The following AP3B1 variants were observed in gnomAD, a reference collection of about 807,000 sequenced individuals.
The protein encoded by AP3B1 is AP-3 complex subunit beta-1.
A neutral mutation model predicts 132.5 loss-of-function variants in AP3B1; 61 were observed. The observed-to-expected ratio is 0.46, with a 90% confidence interval of 0.37 to 0.57. The LOEUF is 0.57. Ranked by LOEUF, AP3B1 falls within the 20% of genes least tolerant of loss-of-function variation. The pLI is 0.00. For synonymous variants in AP3B1, 388 were observed against 438.3 expected (o/e 0.89, Z 1.43); for missense variants, 1,120 against 1,289.4 (o/e 0.87, Z 2.01).
At chr5:78,250,527 T>C (rs1160172222) in intron 2 of AP3B1, among the ~76,000 whole-genome samples, 2 of 152,098 alleles carry the variant, frequency 1.3e-5, no homozygotes, top group Non-Finnish European at 2.9e-5. Context: ...ATTTAGAGCC[T>C]ACAACAGAAC....
chr5:78,222,980 T>C lies in AP3B1; in HGVS notation c.603+2562A>G, dbSNP rs1380536852. 2.6e-5 allele frequency among the ~76,000 whole-genome samples: 4 copies of C among 151,874 alleles called. No homozygotes were observed. The East Asian group carries it at 7.7e-4, about 29-fold the overall frequency. On this transcript the variant is annotated intron_variant, in intron 6 of 26. Coordinates refer to ENST00000255194, the MANE Select transcript of AP3B1 (RefSeq NM_003664.5). The stretch of plus-strand genomic sequence containing the variant: ...ACTCAGCAAAAATGTAAACAGATTG[T>C]GGAAATAGGAGCCCTGTTTCTTGTT...
At chr5:78,158,746 G>A (rs1056993669) in intron 13 of AP3B1, among the ~76,000 whole-genome samples, 1 of 151,734 alleles carries the variant, frequency 6.6e-6, no homozygotes, top group Non-Finnish European at 1.5e-5. Context: ...GCTGAGGCTG[G>A]AGTGCAGTGG....
intron 2 of AP3B1, among the ~76,000 whole-genome samples, chr5:78,264,518 G>A (rs1003945967): frequency 6.6e-6 from 1 of 152,124 alleles, no homozygotes; most frequent in Admixed American, 6.6e-5. Context: ...AGTTCTATAG[G>A]TGTCACATCA....
chr5:78,267,945 C>T (rs1025871206), intron 1 of AP3B1, among the ~76,000 whole-genome samples: 2 of 151,536 alleles, frequency 1.3e-5, no homozygotes, highest in Non-Finnish European at 2.9e-5. Context: ...ACATTTTTTT[C>T]AAAAGGAATA....
chr5:78,219,033 T>C (rs902402370), intron 6 of AP3B1, among the ~76,000 whole-genome samples: 3 of 152,126 alleles, frequency 2.0e-5, no homozygotes, highest in African/African-American at 7.2e-5. Context: ...TTTATCAACA[T>C]TAAATCAATA....
At chr5:78,271,064 T>C (rs1391347353) in intron 1 of AP3B1, among the ~76,000 whole-genome samples, 1 of 152,204 alleles carries the variant, frequency 6.6e-6, no homozygotes, top group Admixed American at 6.5e-5. Flanking sequence ...CTCCACTTAA[T>C]AAATGCAACA....
intron 11 of AP3B1, among the ~76,000 whole-genome samples, chr5:78,173,489 T>C (rs747977464): frequency 2.0e-5 from 3 of 152,204 alleles, no homozygotes; most frequent in Non-Finnish European, 4.4e-5. Context: ...TCTTGTTGAA[T>C]TGATCCCTTT....
chr5:78,138,770 G>C lies in AP3B1; in HGVS notation c.1650+2373C>G, dbSNP rs550098445. On this transcript the variant is annotated intron_variant, in intron 15 of 26. Coordinates refer to ENST00000255194, the MANE Select transcript of AP3B1 (RefSeq NM_003664.5). ...GCAGATCACTTGAGGTCAGAAGTTC[G>C]AGATCAGCCTGGCCAACACGGTGAA... is the stretch of plus-strand genomic sequence containing the variant. 2.0e-5 allele frequency among the ~76,000 whole-genome samples: 3 copies of C among 151,638 alleles called. 1 individual carries two copies. Among genetic ancestry groups the C allele is most frequent in the East Asian group, 3.9e-4 (2 of 5,114 alleles).
chr5:78,130,333 C>A lies in AP3B1; in HGVS notation c.1651-1026G>T, dbSNP rs114775165. Among the ~76,000 whole-genome samples the A allele has an allele frequency of 4.1e-3, 627 of 151,940 alleles. 5 individuals carry two copies. The highest frequency in any genetic ancestry group is 0.014 in the African/African-American group (598 of 41,492). ...GAAGCAGATAAAAAATAAAATCAAT[C>A]AAGTTAGGCAGAGCTAAAGACAATT... On this transcript the variant is annotated intron_variant, in intron 15 of 26. Coordinates refer to ENST00000255194, the MANE Select transcript of AP3B1 (RefSeq NM_003664.5).
At chr5:78,161,353 A>C (rs1004257584) in intron 13 of AP3B1, among the ~76,000 whole-genome samples, 1 of 152,020 alleles carries the variant, frequency 6.6e-6, no homozygotes, top group Non-Finnish European at 1.5e-5. Context: ...TGTTCTAACT[A>C]ATTTCCGGTG....
chr5:78,164,404 A>G (rs1003585198), intron 12 of AP3B1, among the ~76,000 whole-genome samples: 8 of 152,068 alleles, frequency 5.3e-5, no homozygotes, highest in African/African-American at 1.9e-4. Flanking sequence ...CCTCTATACA[A>G]CCCATTCCAT....
intron 21 of AP3B1, among the ~76,000 whole-genome samples, chr5:78,091,453 A>C (rs572255308): frequency 6.6e-6 from 1 of 152,282 alleles, no homozygotes; most frequent in South Asian, 2.1e-4. Context: ...AGTACGGCTG[A>C]AGCACAGCTT....
intron 17 of AP3B1, among the ~76,000 whole-genome samples, chr5:78,118,028 T>C (rs562214564): frequency 2.0e-5 from 3 of 152,316 alleles, no homozygotes; most frequent in Non-Finnish European, 2.9e-5. Context: ...AGAATGTTTC[T>C]CAGCACTGAA....
In AP3B1 at chr5:78,128,153, A is replaced by T. The variant is rs138751237; in HGVS notation, c.1845T>A (p.Asp615Glu). The stretch of plus-strand genomic sequence containing the variant: ...GAGATAAGGTGCCAAGCTGGAAATG[A>T]TCTCTATCTATTAAAAATAGGGAAA... ...PLLESPFKDR[D>E]HFQLGTLSHT... is the part of the protein sequence containing the mutation. Residue 615 changes from aspartate to glutamate, a missense_variant, in exon 17 of 27, where the codon GAT (aspartate) becomes GAA (glutamate). Around this residue, in one of 3 missense-constraint regions of AP3B1, gnomAD observed 906 missense variants for 997.1 expected, o/e 0.91. Coordinates refer to ENST00000255194, the MANE Select transcript of AP3B1 (RefSeq NM_003664.5). 46 of 1,602,790 alleles carry T rather than the reference A, an allele frequency of 2.9e-5. No individual in the cohort carries two copies. Among genetic ancestry groups the T allele is most frequent in the South Asian group, 2.5e-4 (23 of 90,810 alleles).
chr5:78,013,808 T>C (rs1561353348), intron 26 of AP3B1, among the ~76,000 whole-genome samples: 1 of 152,246 alleles, frequency 6.6e-6, no homozygotes, highest in Non-Finnish European at 1.5e-5. Flanking sequence ...ATCATGACCT[T>C]ACATCCATTT....
chr5:78,123,044 A>G (rs1752295093), intron 17 of AP3B1, among the ~76,000 whole-genome samples: 2 of 152,362 alleles, frequency 1.3e-5, no homozygotes, highest in African/African-American at 4.8e-5. Context: ...ATAATGCCGC[A>G]TATCTACAAC....
intron 22 of AP3B1, among the ~76,000 whole-genome samples, chr5:78,079,346 CATTAA>C (rs1367311890): frequency 6.6e-6 from 1 of 152,140 alleles, no homozygotes; most frequent in African/African-American, 2.4e-5. Flanking sequence ...ATAAAACCCT[CATTAA>C]TCTGAACTCT....
At chr5:78,128,662 G>T (rs951084148) in intron 16 of AP3B1, among the ~76,000 whole-genome samples, 3 of 152,056 alleles carry the variant, frequency 2.0e-5, no homozygotes, top group Non-Finnish European at 4.4e-5. Flanking sequence ...GCTGGGACAC[G>T]TAAGTCAACT....
chr5:78,041,003 G>A (rs1431227581), intron 22 of AP3B1, among the ~76,000 whole-genome samples: 17 of 152,106 alleles, frequency 1.1e-4, no homozygotes, highest in Non-Finnish European at 2.2e-4. Flanking sequence ...GGCCAGGCGC[G>A]GTGGCTCACG....
Sources: allele counts gnomAD v4.1 joint callset (sites outside exome capture counted in the v4.1 genomes callset), GRCh38; gene constraint gnomAD v4.1.1; regional missense constraint gnomAD v4.1.1; transcripts MANE v1.5; gene names NCBI Gene and HGNC (gene_info 2026-07-23, HGNC 2026-07-21).